HNF4A: variants seen among roughly 807,000 people sequenced by gnomAD.
HNF4A encodes the protein hepatocyte nuclear factor 4 alpha.
Under a neutral mutation model 52.4 loss-of-function variants are expected in HNF4A, and 15 were observed. The observed-to-expected ratio is 0.29, with a 90% CI of 0.19 to 0.44. The LOEUF (loss-of-function observed/expected upper bound fraction) is 0.44. HNF4A is among the 20% of genes least tolerant of loss of function. The pLI, the probability that HNF4A is intolerant of heterozygous loss-of-function variation, is 1.00. For missense variants in HNF4A, 479 were observed against 647.2 expected (o/e 0.74, Z 2.82); for synonymous variants, 280 against 264.4 (o/e 1.06, Z -0.57).
At chr20:44,374,409 A>G (rs751233938) in intron 1 of HNF4A, among the ~76,000 whole-genome samples, 4 of 151,840 alleles carry the variant, frequency 2.6e-5, no homozygotes, top group Non-Finnish European at 2.9e-5. Context: ...TATGTACCAC[A>G]TTTTCATTAT....
At chr20:44,417,259 G>A (rs186063257) in intron 5 of HNF4A, among the ~76,000 whole-genome samples, 4 of 152,278 alleles carry the variant, frequency 2.6e-5, no homozygotes, top group African/African-American at 7.2e-5. Context: ...GCCTGGTGCT[G>A]TTTTGTTTCA....
intron 4 of HNF4A, among the ~76,000 whole-genome samples, 181 bp from the exon 5 acceptor site, chr20:44,414,326 T>C (rs2063629574): frequency 6.6e-6 from 1 of 152,126 alleles, no homozygotes; most frequent in African/African-American, 2.4e-5. Flanking sequence ...GGAGCCCTTC[T>C]CCCTCATCCC....
chr20:44,402,569 C>T (rs769620848), intron 1 of HNF4A: 13 of 1,365,400 alleles, frequency 9.5e-6, no homozygotes, highest in Middle Eastern at 2.1e-4. Flanking sequence ...GTTGCCGCTG[C>T]GTCTCGCCAG....
chr20:44,428,184 C>A (rs2063834281), intron 8 of HNF4A, 151 bp from the exon 9 acceptor site: 1 of 773,930 alleles, frequency 1.3e-6, no homozygotes, highest in Non-Finnish European at 2.2e-6. Context: ...GAATGGTACA[C>A]CCTAGTTTAC....
chr20:44,376,076 C>T (rs2063081855), intron 1 of HNF4A, among the ~76,000 whole-genome samples: 1 of 152,040 alleles, frequency 6.6e-6, no homozygotes, highest in Admixed American at 6.6e-5. Flanking sequence ...GAAACTCTGT[C>T]TCTACTAAAA....
Position 44,407,506 on chromosome 20 carries a change from A to T in HNF4A, c.385+31A>T, listed in dbSNP as rs373697693. ...CCTCGGCCCTCCCCGCCCCACCACC[A>T]CTGCCCCACCTGCACCCACAGCTCC... On this transcript the variant is annotated intron_variant, in intron 3 of 9. Transcript: ENST00000316099. The T allele has an allele frequency of 5.9e-5, 85 of 1,430,378 alleles. 1 individual carries two copies. The Admixed American group carries it at 6.4e-4, about 11-fold the overall frequency. 88.6% of individuals were successfully genotyped at this position (1,430,378 alleles called of 1,614,324 possible).
chr20:44,418,373 G>T (rs1335487866), intron 5 of HNF4A, 52 bp from the exon 6 acceptor site: 1 of 1,490,810 alleles, frequency 6.7e-7, no homozygotes, highest in East Asian at 2.3e-5. Flanking sequence ...GTTGGCTACG[G>T]GCAGCCTTCC....
At chr20:44,399,116 C>T (rs1015742425), upstream of HNF4A, among the ~76,000 whole-genome samples, 1 of 152,042 alleles carries the variant, frequency 6.6e-6, no homozygotes, top group African/African-American at 2.4e-5. Context: ...CTCTGCACTG[C>T]CCCCAAGGCC....
chr20:44,380,391 C>T (rs1299027742), intron 1 of HNF4A, among the ~76,000 whole-genome samples: 2 of 152,186 alleles, frequency 1.3e-5, no homozygotes, highest in Non-Finnish European at 2.9e-5. Context: ...AACTCCTTGA[C>T]TCAAGTGGTC....
intron 1 of HNF4A, among the ~76,000 whole-genome samples, chr20:44,367,523 C>T (rs1251404663): frequency 6.6e-6 from 1 of 150,870 alleles, no homozygotes; most frequent in East Asian, 2.0e-4. Flanking sequence ...TGGCTGTAGT[C>T]CCAGCTACTC....
At chr20:44,388,900 C>T (rs2063268070) in intron 1 of HNF4A, among the ~76,000 whole-genome samples, 5 of 152,224 alleles carry the variant, frequency 3.3e-5, no homozygotes, top group Admixed American at 2.0e-4. Context: ...TGGCCTCTTC[C>T]CCTGGCTCCC....
intron 8 of HNF4A, among the ~76,000 whole-genome samples, chr20:44,426,731 C>T (rs1159140214): frequency 1.3e-5 from 2 of 152,016 alleles, no homozygotes; most frequent in African/African-American, 2.4e-5. Flanking sequence ...CACTTGAACC[C>T]GGGAGATGGA....
chr20:44,388,582 C>T (rs981952272), intron 1 of HNF4A, among the ~76,000 whole-genome samples: 1 of 152,122 alleles, frequency 6.6e-6, no homozygotes, highest in East Asian at 1.9e-4. Context: ...AGCAGGCCTC[C>T]TCTGGATTTG....
intron 3 of HNF4A, among the ~76,000 whole-genome samples, chr20:44,407,905 G>A (rs2063525961): frequency 6.6e-6 from 1 of 152,192 alleles, no homozygotes; most frequent in Admixed American, 6.5e-5. Flanking sequence ...CGATGCCTGA[G>A]CTTCCGGTCC....
intron 1 of HNF4A, among the ~76,000 whole-genome samples, chr20:44,394,121 A>G (rs1284389270): frequency 6.6e-6 from 1 of 152,134 alleles, no homozygotes; most frequent in African/African-American, 2.4e-5. Flanking sequence ...GGGTCTTCCA[A>G]TGGCTCTCAG....
rs2063345655 is a variant in HNF4A, at chr20:44,395,559, G to A, written c.50-10499G>A. The A allele has an allele frequency of 2.0e-5, 3 of 152,398 alleles. No homozygotes were observed. In the South Asian group the frequency reaches 6.2e-4, roughly 32 times the overall value. The allele number at this position is 152,398 out of a possible 1,614,324, so 9.4% of individuals were successfully genotyped here. ...CCAGTGGGGTGGCTGTGGCTGCAGG[G>A]ACAGCCTAGCAGAGCCTCTTGGTGG... is the stretch of plus-strand genomic sequence containing the variant. On this transcript the variant is annotated intron_variant, in intron 1 of 9. Coordinates refer to the HNF4A transcript ENST00000316673.
intron 1 of HNF4A, chr20:44,372,800 C>A (rs921391152): frequency 7.2e-5 from 11 of 152,138 alleles, no homozygotes; most frequent in Non-Finnish European, 1.3e-4. Context: ...GTCATGGCTT[C>A]TCTGGGGAGA....
intron 1 of HNF4A, among the ~76,000 whole-genome samples, chr20:44,375,103 T>G (rs970424382): frequency 6.6e-6 from 1 of 151,338 alleles, no homozygotes; most frequent in African/African-American, 2.4e-5. Context: ...AGATGGTATC[T>G]CACGATTTCA....
At chr20:44,417,633 C>T in intron 5 of HNF4A, among the ~76,000 whole-genome samples, 1 of 152,118 alleles carries the variant, frequency 6.6e-6, no homozygotes, top group East Asian at 1.9e-4. Context: ...TCCCTGGGCC[C>T]ACCCTAAACA....
Sources: allele counts gnomAD v4.1 joint callset (sites outside exome capture counted in the v4.1 genomes callset), GRCh38; gene constraint gnomAD v4.1.1; transcripts MANE v1.5; gene names NCBI Gene and HGNC (gene_info 2026-07-23, HGNC 2026-07-21).